Variants in CNTNAP4 observed in about 807,000 individuals in gnomAD.
The protein encoded by CNTNAP4 is contactin-associated protein-like 4.
Under a neutral mutation model 148.4 loss-of-function variants are expected in CNTNAP4, and 98 were observed. That is an observed-to-expected ratio of 0.66 (90% CI 0.56 to 0.78). The LOEUF is 0.78. Among genes scored for constraint, CNTNAP4 ranks in the 30% least tolerant of loss-of-function variants. The pLI, the probability that CNTNAP4 is intolerant of heterozygous loss-of-function variation, is 0.00. For synonymous variants in CNTNAP4, 730 were observed against 565.1 expected (o/e 1.29, Z -4.14); for missense variants, 1,935 against 1,565.6 (o/e 1.24, Z -3.98).
chr16:76,399,803 A>G (rs1295023287), intron 3 of CNTNAP4, among the ~76,000 whole-genome samples: 1 of 152,226 alleles, frequency 6.6e-6, no homozygotes, highest in Non-Finnish European at 1.5e-5. Context: ...ATTTATAAGT[A>G]TGCTGATCAC....
In CNTNAP4 at chr16:76,526,890, TC is replaced by T. The variant is rs575827555; in HGVS notation, c.2755+4634del. 3.8e-3 allele frequency among the ~76,000 whole-genome samples: 573 copies of T among 152,022 alleles called. 5 individuals are homozygous for T. The highest frequency in any genetic ancestry group is 0.013 in the African/African-American group (547 of 41,456). ...GGTTTTGATATGTTGCCTAGGCTGG[TC>T]TCAAACTCCTGGGCTCAAGGGCTCC... On this transcript the variant is annotated intron_variant, in intron 17 of 23. Transcript: ENST00000611870.
At position 76,386,456 on chromosome 16, in the gene CNTNAP4, A is replaced by G. The variant is rs558223084; in HGVS notation, c.390+30945A>G. ...AAATTTAAAATGCAAGCTTCCAAAGATAAGAATCATGCATTTTGTTGAATT... is the reference window on the plus strand; with the variant it reads ...AAATTTAAAATGCAAGCTTCCAAAGGTAAGAATCATGCATTTTGTTGAATT... On this transcript the variant is annotated intron_variant, in intron 3 of 23. Transcript: ENST00000611870. Among the ~76,000 whole-genome samples, 23 of 152,326 alleles carry G rather than the reference A, an allele frequency of 1.5e-4. No homozygotes were observed. In the East Asian group the frequency reaches 2.7e-3, roughly 18 times the overall value.
rs1312244551 is a variant in CNTNAP4, at chr16:76,560,124, T to C, written c.*1441T>C. Among the ~76,000 whole-genome samples, 2 of 152,216 alleles carry C rather than the reference T, an allele frequency of 1.3e-5. No individual in the cohort carries two copies. The highest frequency in any genetic ancestry group is 4.8e-5 in the African/African-American group (2 of 41,458). ...CATACAAGGAACTATCTTTGAATTC[T>C]GCAAGCCAATCATACAATAAAGGCA... On this transcript the variant is annotated 3_prime_UTR_variant, in exon 24 of 24. Coordinates refer to ENST00000611870, the MANE Select transcript of CNTNAP4 (RefSeq NM_033401.5).
chr16:76,438,773 C>T (rs2079928789), intron 4 of CNTNAP4, among the ~76,000 whole-genome samples: 1 of 152,042 alleles, frequency 6.6e-6, no homozygotes. Flanking sequence ...CCGCTGCTGA[C>T]ACATAGGGTT....
intron 20 of CNTNAP4, 34 bp from the exon 21 acceptor site, chr16:76,540,669 T>C: frequency 6.9e-7 from 1 of 1,440,724 alleles, no homozygotes; most frequent in Non-Finnish European, 9.5e-7. Context: ...CGTCATCCAT[T>C]TGGATGTTTT....
intron 12 of CNTNAP4, among the ~76,000 whole-genome samples, chr16:76,487,421 G>C (rs555296959): frequency 3.9e-5 from 6 of 152,258 alleles, no homozygotes; most frequent in African/African-American, 1.2e-4. Flanking sequence ...CAACCACAAA[G>C]TATTGAATTA....
At chr16:76,329,791 T>C (rs1963342407) in intron 2 of CNTNAP4, among the ~76,000 whole-genome samples, 1 of 152,196 alleles carries the variant, frequency 6.6e-6, no homozygotes, top group Admixed American at 6.5e-5. Flanking sequence ...ATAGATTATA[T>C]AATTGGCTGT....
rs1391405301 is a variant in CNTNAP4, at chr16:76,507,308, A to T, written c.2365+8614A>T. The stretch of plus-strand genomic sequence containing the variant: ...GTCACCATGTTTTGTCGTCAAATAC[A>T]AGGTCTTATTCTTTCTAACTATTTT... On this transcript the variant is annotated intron_variant, in intron 15 of 23. Transcript: ENST00000611870. Among the ~76,000 whole-genome samples, 9 of 97,442 alleles carry T rather than the reference A, an allele frequency of 9.2e-5. 3 individuals carry two copies. The highest frequency in any genetic ancestry group is 9.0e-4 in the Admixed American group (9 of 10,042). 63.9% of individuals were successfully genotyped at this position (97,442 alleles called of 152,430 possible). A position where few individuals can be genotyped will look rare whatever the true frequency, so the allele number is the denominator to read the frequency against.
chr16:76,413,793 TA>T (rs928471091), intron 3 of CNTNAP4, among the ~76,000 whole-genome samples: 6 of 151,270 alleles, frequency 4.0e-5, no homozygotes, highest in African/African-American at 1.5e-4. Flanking sequence ...AATTTTCATG[TA>T]AAGGCATTAA....
chr16:76,454,115 T>C (rs567369699), intron 8 of CNTNAP4, among the ~76,000 whole-genome samples: 94 of 150,638 alleles, frequency 6.2e-4, no homozygotes, highest in African/African-American at 1.9e-3. Context: ...TTCTTTCTTT[T>C]TTTTTTTTTT....
intron 2 of CNTNAP4, among the ~76,000 whole-genome samples, chr16:76,330,389 T>C (rs1040125395): frequency 2.0e-5 from 3 of 152,222 alleles, no homozygotes; most frequent in African/African-American, 4.8e-5. Context: ...TAATGGGCCA[T>C]GCAGTTTTGA....
intron 1 of CNTNAP4, among the ~76,000 whole-genome samples, chr16:76,301,435 T>G (rs1959955215): frequency 6.6e-6 from 1 of 152,188 alleles, no homozygotes; most frequent in African/African-American, 2.4e-5. Flanking sequence ...GTTTTCTATT[T>G]TAAAATAATT....
At chr16:76,347,477 G>C (rs1367285082) in intron 2 of CNTNAP4, among the ~76,000 whole-genome samples, 1 of 151,674 alleles carries the variant, frequency 6.6e-6, no homozygotes, top group Non-Finnish European at 1.5e-5. Flanking sequence ...AAACACTAAA[G>C]ATACTACATA....
intron 3 of CNTNAP4, among the ~76,000 whole-genome samples, chr16:76,392,963 T>A (rs924287067): frequency 6.6e-6 from 1 of 152,226 alleles, no homozygotes; most frequent in Non-Finnish European, 1.5e-5. Context: ...TTGCCTCACC[T>A]GAGAGGTAGG....
intron 2 of CNTNAP4, among the ~76,000 whole-genome samples, chr16:76,317,512 G>T (rs999370889): frequency 1.3e-5 from 2 of 152,142 alleles, no homozygotes; most frequent in African/African-American, 4.8e-5. Flanking sequence ...AGGAAAACAC[G>T]CTTGGCAATA....
rs754890371 is a variant in CNTNAP4, at chr16:76,427,468, C to T, written c.407C>T (p.Ala136Val). The T allele has an allele frequency of 1.2e-6, 2 of 1,603,788 alleles. No individual in the cohort carries two copies. The highest frequency in any genetic ancestry group is 2.7e-5 in the African/African-American group (2 of 74,340). The change falls in exon 4 of 24, where the codon GCA becomes GTA. Residue 136 changes from alanine (A) to valine (V), a missense_variant. Transcript: ENST00000611870. Reference sequence around the variant, plus strand: ...TTCTTTTAGGGTTTTTCAGGAAATGCAAATGCAGACAGTGTTGTGTACTAT... The same window carrying T: ...TTCTTTTAGGGTTTTTCAGGAAATGTAAATGCAGACAGTGTTGTGTACTAT... Reference protein sequence around the residue: ...EDSIWGFSGNANADSVVYYRL... With the variant: ...EDSIWGFSGNVNADSVVYYRL...
chr16:76,432,375 A>G (rs2079642551), intron 4 of CNTNAP4: 1 of 152,206 alleles, frequency 6.6e-6, no homozygotes, highest in Admixed American at 6.5e-5. Context: ...AGCATGTTCT[A>G]CTTTTATGTC....
intron 8 of CNTNAP4, among the ~76,000 whole-genome samples, chr16:76,459,369 C>T (rs1260267518): frequency 6.6e-6 from 1 of 152,176 alleles, no homozygotes; most frequent in Non-Finnish European, 1.5e-5. Context: ...TGTATCTAAC[C>T]TACATTCTTC....
At chr16:76,500,777 A>T (rs2082607402) in intron 15 of CNTNAP4, among the ~76,000 whole-genome samples, 3 of 151,278 alleles carry the variant, frequency 2.0e-5, no homozygotes, top group Admixed American at 6.6e-5. Context: ...TATATGTTTT[A>T]TATATATATA....
Sources: allele counts gnomAD v4.1 joint callset (sites outside exome capture counted in the v4.1 genomes callset), GRCh38; gene constraint gnomAD v4.1.1; transcripts MANE v1.5; gene names NCBI Gene and HGNC (gene_info 2026-07-23, HGNC 2026-07-21).